Variants in GPAM observed in about 807,000 individuals in gnomAD.
GPAM encodes the protein glycerol-3-phosphate acyltransferase, mitochondrial, also known as glycerol-3-phosphate acyltransferase 1, mitochondrial.
GPAM carries 56 observed loss-of-function variants against 105.0 expected under a neutral mutation model. The ratio of observed to expected loss-of-function variants is 0.53; its 90% CI spans 0.43 to 0.67. The LOEUF is 0.67. Ranked by LOEUF, GPAM falls within the 30% of genes least tolerant of loss-of-function variation. The pLI is 0.00. For missense variants in GPAM, 855 were observed against 989.8 expected, an observed-to-expected ratio of 0.86 and a Z score of 1.83; for synonymous variants, 368 against 354.4, an observed-to-expected ratio of 1.04 and a Z score of -0.43.
At chr10:112,221,118 G>A in the GPAM span, among the ~76,000 whole-genome samples, 2 of 152,062 alleles carry the variant, frequency 1.3e-5, no homozygotes, top group African/African-American at 4.8e-5. Context: ...CTAGAAATAA[G>A]GATTTTAATG....
upstream of GPAM, among the ~76,000 whole-genome samples, chr10:112,216,981 G>C (rs1413433405): frequency 1.3e-5 from 2 of 150,886 alleles, no homozygotes; most frequent in Non-Finnish European, 2.9e-5. Flanking sequence ...AAAAAAAATT[G>C]ATATATAACG....
chr10:112,169,030 A>T, intron 9 of GPAM, 78 bp from the exon 10 acceptor site: 1 of 983,800 alleles, frequency 1.0e-6, no homozygotes, highest in East Asian at 2.4e-5. Context: ...AATTGAAAAC[A>T]TTTGCCAAGT....
the GPAM span, among the ~76,000 whole-genome samples, chr10:112,223,119 G>T: frequency 4.5e-4 from 68 of 152,246 alleles, no homozygotes; most frequent in East Asian, 0.012. Flanking sequence ...CTGCCCTGTG[G>T]TCTGAGGCTC....
At chr10:112,213,964 C>T (rs1244082797) in intron 1 of GPAM, among the ~76,000 whole-genome samples, 2 of 152,170 alleles carry the variant, frequency 1.3e-5, no homozygotes, top group Non-Finnish European at 2.9e-5. Flanking sequence ...TTGGCAGTTT[C>T]CATAAATTTA....
the GPAM span, among the ~76,000 whole-genome samples, chr10:112,224,403 T>C: frequency 2.6e-5 from 4 of 152,164 alleles, no homozygotes; most frequent in African/African-American, 9.7e-5. Flanking sequence ...ATGTCTGCCT[T>C]GTTTCTCCAC....
At chr10:112,178,154 A>G in intron 4 of GPAM, 97 bp from the exon 5 acceptor site, 1 of 698,586 alleles carries the variant, frequency 1.4e-6, no homozygotes, top group Non-Finnish European at 2.6e-6. Flanking sequence ...TATCAAGCAT[A>G]AAAACAGATA....
intron 1 of GPAM, among the ~76,000 whole-genome samples, chr10:112,207,503 G>A (rs1589611155): frequency 6.6e-6 from 1 of 152,274 alleles, no homozygotes; most frequent in Middle Eastern, 3.4e-3. Flanking sequence ...CCAGCTTCAT[G>A]CTCCCTAAAC....
upstream of GPAM, among the ~76,000 whole-genome samples, chr10:112,184,881 T>G (rs1028620805): frequency 2.0e-5 from 3 of 152,100 alleles, no homozygotes; most frequent in Non-Finnish European, 4.4e-5. Context: ...CTTCCGCTGA[T>G]TAGAGCATGT....
chr10:112,158,405 A>G lies in GPAM; in HGVS notation c.1903-12T>C. The G allele has an allele frequency of 6.6e-7, 1 of 1,511,562 alleles. No homozygotes were observed. The highest frequency in any genetic ancestry group is 9.2e-7 in the Non-Finnish European group (1 of 1,086,278). The allele number at this position is 1,511,562 out of a possible 1,614,324, so 93.6% of individuals were successfully genotyped here. On this transcript the variant is annotated splice_polypyrimidine_tract_variant and intron_variant, in intron 17 of 21. Coordinates refer to ENST00000348367, the MANE Select transcript of GPAM (RefSeq NM_001244949.2). ...AATGTCTGGCAAGGCTGAAAAGAAA[A>G]TTCATTTAAATATAAATGCCACCAT...
At chr10:112,223,296 C>T in the GPAM span, among the ~76,000 whole-genome samples, 3 of 152,194 alleles carry the variant, frequency 2.0e-5, no homozygotes, top group African/African-American at 7.2e-5. Flanking sequence ...TCTAGGAGGA[C>T]TCACACTGTT....
In GPAM at chr10:112,151,036, C is replaced by A; in HGVS notation, c.*2514G>T. On this transcript the variant is annotated 3_prime_UTR_variant, in exon 22 of 22. Transcript: ENST00000348367. ...TTTCATGCATTTTCAGAGTGCACAA[C>A]TTCCCTCCTCTCTTCTGAATCACTT... 1 of 985,108 alleles carries A rather than the reference C, an allele frequency of 1.0e-6. No individual in the cohort carries two copies. Among genetic ancestry groups the A allele is most frequent in the Non-Finnish European group, 1.2e-6 (1 of 829,298 alleles). 61.0% of individuals were successfully genotyped at this position (985,108 alleles called of 1,614,324 possible). A position where few individuals can be genotyped will look rare whatever the true frequency, so the allele number is the denominator to read the frequency against.
intron 17 of GPAM, among the ~76,000 whole-genome samples, chr10:112,158,929 G>A (rs2050856): frequency 0.014 from 2,171 of 152,164 alleles, 56 homozygotes; most frequent in African/African-American, 0.049. Context: ...ACAGGACCAC[G>A]AGCACACCTC....
chr10:112,158,828 C>T (rs1192719437), intron 17 of GPAM, among the ~76,000 whole-genome samples: 1 of 152,156 alleles, frequency 6.6e-6, no homozygotes, highest in Non-Finnish European at 1.5e-5. Context: ...TAAATAAATA[C>T]CAGAGAAAGG....
upstream of GPAM, among the ~76,000 whole-genome samples, chr10:112,187,310 T>C (rs1847607676): frequency 6.6e-6 from 1 of 152,124 alleles, no homozygotes; most frequent in African/African-American, 2.4e-5. Flanking sequence ...TCCAATGATA[T>C]GCCACCTATT....
intron 13 of GPAM, 68 bp downstream of exon 13, chr10:112,164,457 C>T (rs961239264): frequency 2.4e-6 from 2 of 847,292 alleles, no homozygotes; most frequent in Non-Finnish European, 4.1e-6. Flanking sequence ...TAAGGTTAAT[C>T]TATGCAATAC....
intron 3 of GPAM, 27 bp from the exon 4 acceptor site, chr10:112,180,622 G>A (rs752904254): frequency 1.3e-6 from 2 of 1,592,192 alleles, no homozygotes; most frequent in African/African-American, 1.3e-5. Context: ...AAAAAATATA[G>A]TTTCTAAATG....
In GPAM at chr10:112,172,960, A is replaced by C. The variant is rs1327399905; in HGVS notation, c.657+10T>G. On this transcript the variant is annotated intron_variant, in intron 8 of 21. Coordinates refer to ENST00000348367, the MANE Select transcript of GPAM (RefSeq NM_001244949.2). The stretch of plus-strand genomic sequence containing the variant: ...GGAAAATGGGGTAATAGATTCACAG[A>C]AATTCTTGCCTCAGTTGCAGCTTTA... 7.0e-7 allele frequency: 1 copy of C among 1,435,610 alleles called. No homozygotes were observed. Among genetic ancestry groups the C allele is most frequent in the African/African-American group, 1.4e-5 (1 of 71,638 alleles). The allele number at this position is 1,435,610 out of a possible 1,614,324, so 88.9% of individuals were successfully genotyped here.
At chr10:112,218,604 G>C (rs1847993035), upstream of GPAM, among the ~76,000 whole-genome samples, 2 of 152,326 alleles carry the variant, frequency 1.3e-5, no homozygotes, top group African/African-American at 4.8e-5. Flanking sequence ...AAGTTTCTAA[G>C]AGAAGTAAAG....
chr10:112,217,181 C>A (rs2133313227), upstream of GPAM, among the ~76,000 whole-genome samples: 1 of 152,292 alleles, frequency 6.6e-6, no homozygotes, highest in African/African-American at 2.4e-5. Flanking sequence ...CCTCATCCAG[C>A]TCTAGGCAAC....
Sources: gnomAD v4.1 joint callset for allele counts (sites outside exome capture counted in the v4.1 genomes callset) on GRCh38, gnomAD v4.1.1 for gene constraint, MANE v1.5 for transcripts, NCBI Gene and HGNC (gene_info 2026-07-23, HGNC 2026-07-21) for gene names.